The following NR1I3 variants were observed in gnomAD, a reference collection of about 807,000 sequenced individuals.
NR1I3 encodes constitutive activator of retinoid response.
Under a neutral mutation model 38.4 loss-of-function variants are expected in NR1I3, and 30 were observed. That is an observed-to-expected ratio of 0.78 (90% CI 0.58 to 1.06). The LOEUF (loss-of-function observed/expected upper bound fraction) is 1.06. NR1I3 is among the 50% of genes least tolerant of loss of function. The pLI is 0.00. For missense variants in NR1I3, 388 were observed against 435.7 expected (o/e 0.89, Z 0.97); for synonymous variants, 143 against 165.1 (o/e 0.87, Z 1.03).
At chr1:161,234,695 C>T (rs1029239113) in intron 3 of NR1I3, among the ~76,000 whole-genome samples, 9 of 152,130 alleles carry the variant, frequency 5.9e-5, no homozygotes, top group Non-Finnish European at 1.0e-4. Flanking sequence ...TGTGAGCCAC[C>T]GTGCTCGGCC....
Position 161,229,729 on chromosome 1 carries a change from C to T in NR1I3, c.*68G>A, listed in dbSNP as rs1462142763. ...TTTGAACCCGGCCCAATCTTTGGTC[C>T]CAGCATTTTCCCACTCCAGTGTATC... On this transcript the variant is annotated 3_prime_UTR_variant, in exon 9 of 9. Transcript: ENST00000367983. 19 of 1,614,104 alleles carry T rather than the reference C, an allele frequency of 1.2e-5. No individual in the cohort carries two copies. The highest frequency in any genetic ancestry group is 5.0e-5 in the Admixed American group (3 of 60,014).
chr1:161,235,813 C>A, intron 3 of NR1I3, 34 bp downstream of exon 3: 2 of 1,613,264 alleles, frequency 1.2e-6, no homozygotes, highest in South Asian at 2.2e-5. Context: ...CAGACGCAGT[C>A]AATGGATTCT....
chr1:161,233,833 A>ATGTG (rs1667889053), intron 3 of NR1I3, among the ~76,000 whole-genome samples: 1 of 110,642 alleles, frequency 9.0e-6, no homozygotes, highest in African/African-American at 3.6e-5. Context: ...TTCATCATAT[A>ATGTG]TATATGTGTG....
rs780546014 is a variant in NR1I3, at chr1:161,233,195, T to TGGTGCCCATGTGGCGGGTGTG, written c.361_381dup (p.His121_Thr127dup). 1.1e-5 allele frequency: 17 copies of TGGTGCCCATGTGGCGGGTGTG among 1,614,246 alleles called. No individual in the cohort carries two copies. The South Asian group carries it at 1.9e-4, about 18-fold the overall frequency. ...CTAAACTGCACAAACTGTTCAAACATGGTGCCCATGTGGCGGGTGTGGGCC... is the reference window on the plus strand; with the variant it reads ...CTAAACTGCACAAACTGTTCAAACATGGTGCCCATGTGGCGGGTGTGGGTGCCCATGTGGCGGGTGTGGGCC... On this transcript the variant is annotated inframe_insertion, in exon 4 of 9. Transcript: ENST00000367983.
At chr1:161,232,441 G>T (rs2102141011) in intron 5 of NR1I3, among the ~76,000 whole-genome samples, 1 of 152,244 alleles carries the variant, frequency 6.6e-6, no homozygotes, top group East Asian at 1.9e-4. Flanking sequence ...GGGACTACAG[G>T]CACCCACCAT....
At chr1:161,232,234 C>G (rs112168438) in intron 5 of NR1I3, among the ~76,000 whole-genome samples, 4,457 of 152,010 alleles carry the variant, frequency 0.029, 101 homozygotes, top group South Asian at 0.061. Flanking sequence ...GATCCACCCA[C>G]CTTGGCCTCT....
chr1:161,237,928 C>A, intron 1 of NR1I3, 113 bp downstream of exon 1: 2 of 1,027,498 alleles, frequency 1.9e-6, no homozygotes, highest in South Asian at 2.6e-5. Context: ...AAGCGATCCC[C>A]CCACCTTGGC....
intron 3 of NR1I3, 118 bp downstream of exon 3, chr1:161,235,728 CA>C (rs1307998061): frequency 7.6e-7 from 1 of 1,307,886 alleles, no homozygotes; most frequent in African/African-American, 1.5e-5. Flanking sequence ...TGAATAGTGA[CA>C]TAATCCAACT....
At chr1:161,237,494 C>A (rs1474397898) in intron 1 of NR1I3, among the ~76,000 whole-genome samples, 2 of 151,514 alleles carry the variant, frequency 1.3e-5, no homozygotes, top group African/African-American at 2.4e-5. Flanking sequence ...CCGAGGTGGG[C>A]GGATCACCAG....
chr1:161,234,061 G>A (rs949574459), intron 3 of NR1I3, among the ~76,000 whole-genome samples: 8 of 151,538 alleles, frequency 5.3e-5, no homozygotes, highest in African/African-American at 1.7e-4. Flanking sequence ...GAGCAATCTC[G>A]GCTCACTGCA....
At position 161,231,347 on chromosome 1, in the gene NR1I3, T is replaced by C. The variant is rs1417799209; in HGVS notation, c.676A>G (p.Ile226Val). The C allele has an allele frequency of 2.0e-5, 32 of 1,577,970 alleles. No individual in the cohort carries two copies. The highest frequency in any genetic ancestry group is 2.8e-5 in the Non-Finnish European group (32 of 1,163,102). ...ATCTCACCACGGGCTCCATCTTCAA[T>C]TGTGTAGCGAAGAGGCCCGCAGAGG... ...NFLCGPLRYT[I>V]EDGARVGFQV... The change falls in exon 6 of 9, where the codon ATT becomes GTT. Residue 226 changes from isoleucine (I) to valine (V), a missense_variant. Physicochemically the swap from Ile to Val is conservative, Grantham distance 29 (BLOSUM62 3). Coordinates refer to ENST00000367983, the MANE Select transcript of NR1I3 (RefSeq NM_005122.5).
In NR1I3 at chr1:161,229,684, A is replaced by C. The variant is rs971545687; in HGVS notation, c.*113T>G. 1 of 1,614,020 alleles carries C rather than the reference A, an allele frequency of 6.2e-7. No homozygotes were observed. The highest frequency in any genetic ancestry group is 8.5e-7 in the Non-Finnish European group (1 of 1,179,946). On this transcript the variant is annotated 3_prime_UTR_variant, in exon 9 of 9. Coordinates refer to ENST00000367983, the MANE Select transcript of NR1I3 (RefSeq NM_005122.5). ...GAGGCAGTTATTGCTTTAGTCTTTC[A>C]TTGCAACCACTGGGCTCCCTTTGAA...
chr1:161,235,609 T>G, intron 3 of NR1I3: 1 of 421,154 alleles, frequency 2.4e-6, no homozygotes, highest in Admixed American at 4.0e-5. Flanking sequence ...GTGGCTAGAA[T>G]TGGTTGAGTA....
At chr1:161,236,966 G>GTT (rs1668724887) in intron 1 of NR1I3, among the ~76,000 whole-genome samples, 3 of 146,884 alleles carry the variant, frequency 2.0e-5, no homozygotes, top group African/African-American at 7.6e-5. Flanking sequence ...TGGTTTTTTT[G>GTT]TTTATTTTTT....
At chr1:161,232,240 C>T (rs957208016) in intron 5 of NR1I3, among the ~76,000 whole-genome samples, 1 of 152,020 alleles carries the variant, frequency 6.6e-6, no homozygotes. Context: ...CCCACCTTGG[C>T]CTCTCAAAGT....
Position 161,233,205 on chromosome 1 carries a change from G to A in NR1I3, c.372C>T (p.His124=), listed in dbSNP as rs753669717. 1.2e-6 allele frequency: 2 copies of A among 1,614,230 alleles called. No homozygotes were observed. Among genetic ancestry groups the A allele is most frequent in the South Asian group, 1.1e-5 (1 of 91,086 alleles). The change falls in exon 4 of 9, where the codon CAC becomes CAT. Residue 124 remains histidine (H), a synonymous_variant. Transcript: ENST00000367983. Reference sequence around the variant, plus strand: ...CAAACTGTTCAAACATGGTGCCCATGTGGCGGGTGTGGGCCCCCAGGAGTG... The same window carrying A: ...CAAACTGTTCAAACATGGTGCCCATATGGCGGGTGTGGGCCCCCAGGAGTG... ...IRTLLGAHTR[H]MGTMFEQFVQ...
At chr1:161,232,436 T>C (rs1031444867) in intron 5 of NR1I3, among the ~76,000 whole-genome samples, 2 of 152,212 alleles carry the variant, frequency 1.3e-5, no homozygotes, top group Non-Finnish European at 2.9e-5. Context: ...TACCTGGGAC[T>C]ACAGGCACCC....
intron 3 of NR1I3, among the ~76,000 whole-genome samples, chr1:161,233,836 T>C (rs1667896135): frequency 1.3e-5 from 1 of 78,898 alleles, no homozygotes; most frequent in Non-Finnish European, 2.4e-5. Context: ...ATCATATATA[T>C]ATGTGTGTGT....
In NR1I3 at chr1:161,238,086, T is replaced by C; in HGVS notation, c.-79A>G. ...GTCACCTGCAGGCCACAGAATCTGGTATGGAATGCCTCTCCCCAAACTCCC... is the reference window on the plus strand; with the variant it reads ...GTCACCTGCAGGCCACAGAATCTGGCATGGAATGCCTCTCCCCAAACTCCC... On this transcript the variant is annotated 5_prime_UTR_variant, in exon 1 of 9. The change creates a new upstream start codon in the 5' untranslated region. Coordinates refer to ENST00000367983, the MANE Select transcript of NR1I3 (RefSeq NM_005122.5). 1 of 1,613,854 alleles carries C rather than the reference T, an allele frequency of 6.2e-7. No homozygotes were observed.
Sources: allele counts gnomAD v4.1 joint callset (sites outside exome capture counted in the v4.1 genomes callset), GRCh38; gene constraint gnomAD v4.1.1; transcripts MANE v1.5; gene names NCBI Gene and HGNC (gene_info 2026-07-23, HGNC 2026-07-21).